The following ATP11A variants were observed in gnomAD, a reference collection of about 807,000 sequenced individuals.
ATP11A encodes phospholipid-transporting ATPase IH.
A neutral mutation model predicts 154.4 loss-of-function variants in ATP11A; 81 were observed. The ratio of observed to expected loss-of-function variants is 0.52; its 90% confidence interval spans 0.44 to 0.63. The LOEUF is 0.63. Among genes scored for constraint, ATP11A ranks in the 30% least tolerant of loss-of-function variants. The pLI, the probability that ATP11A is intolerant of heterozygous loss-of-function variation, is 0.00. For missense variants in ATP11A, 1,316 were observed against 1,474.3 expected, an observed-to-expected ratio of 0.89 and a Z score of 1.76; for synonymous variants, 623 against 585.9, an observed-to-expected ratio of 1.06 and a Z score of -0.91.
In ATP11A at chr13:112,859,950, C is replaced by A. The variant is rs777679816; in HGVS notation, c.2728-337C>A. Among the ~76,000 whole-genome samples, 2 of 152,200 alleles carry A rather than the reference C, an allele frequency of 1.3e-5. No homozygotes were observed. Among genetic ancestry groups the A allele is most frequent in the African/African-American group, 4.8e-5 (2 of 41,456 alleles). On this transcript the variant is annotated intron_variant, in intron 23 of 29. Coordinates refer to ENST00000375645, the MANE Select transcript of ATP11A (RefSeq NM_015205.3). The surrounding 1 kb of genome is among the most constrained non-coding windows in gnomAD (Gnocchi z 4.3). ...ACATGTGTGCTCAGTGGTTGGCGGG[C>A]CAGCTGCCTTCATGGGAAGTGACTG...
At chr13:112,781,359 G>T (rs1192793745) in intron 1 of ATP11A, among the ~76,000 whole-genome samples, 7 of 152,096 alleles carry the variant, frequency 4.6e-5, no homozygotes, top group Non-Finnish European at 1.5e-5. Flanking sequence ...TTTTGTCTAT[G>T]TCCCCGTTTA....
At chr13:112,734,215 T>C (rs1180084158) in intron 1 of ATP11A, among the ~76,000 whole-genome samples, 7 of 152,080 alleles carry the variant, frequency 4.6e-5, no homozygotes, top group Non-Finnish European at 8.8e-5. Flanking sequence ...AGGATGGACA[T>C]GCGAGCTCAG....
intron 17 of ATP11A, among the ~76,000 whole-genome samples, chr13:112,843,283 C>A (rs139678103): frequency 6.7e-6 from 1 of 149,992 alleles, no homozygotes. Flanking sequence ...GACGCATGGC[C>A]GGGTGGGCGC....
chr13:112,877,443 C>T (rs1367104188), intron 28 of ATP11A, among the ~76,000 whole-genome samples: 3 of 152,344 alleles, frequency 2.0e-5, no homozygotes, highest in African/African-American at 4.8e-5. Flanking sequence ...GCATGGGACA[C>T]GTGTTCATAA....
At chr13:112,812,557 C>T (rs1051731280) in intron 5 of ATP11A, among the ~76,000 whole-genome samples, 6 of 152,220 alleles carry the variant, frequency 3.9e-5, no homozygotes, top group Non-Finnish European at 7.3e-5. Flanking sequence ...CGGACAAGGC[C>T]GCAGCCCTTC....
intron 6 of ATP11A, among the ~76,000 whole-genome samples, chr13:112,816,581 C>G (rs548167696): frequency 6.6e-6 from 1 of 152,182 alleles, no homozygotes; most frequent in Admixed American, 6.5e-5. Context: ...GCGGCAAAAC[C>G]CTGAGCCCAG....
At chr13:112,860,078 T>C (rs1314561364) in intron 23 of ATP11A, among the ~76,000 whole-genome samples, 1 of 151,786 alleles carries the variant, frequency 6.6e-6, no homozygotes, top group African/African-American at 2.4e-5. Flanking sequence ...GCTGATAGAA[T>C]GGGATGAGTC....
rs1245122987 is a variant in ATP11A at position 112,787,447 on chromosome 13, G to A, written c.162+2190G>A. Among the ~76,000 whole-genome samples the A allele has an allele frequency of 9.7e-5, 12 of 123,454 alleles. No individual in the cohort carries two copies. The East Asian group carries it at 2.2e-3, about 22-fold the overall frequency. The allele number at this position is 123,454 out of a possible 152,430, so 81.0% of individuals were successfully genotyped here. A position where few individuals can be genotyped will look rare whatever the true frequency, so the allele number is the denominator to read the frequency against. ...GAGACCTACTTAATTCACACCGGGT[G>A]TCCTGATGTGTAGACCCCTGTGGAT... On this transcript the variant is annotated intron_variant, in intron 2 of 29. Transcript: ENST00000375645.
At chr13:112,773,900 T>C (rs1474892944) in intron 1 of ATP11A, among the ~76,000 whole-genome samples, 1 of 143,180 alleles carries the variant, frequency 7.0e-6, no homozygotes, top group Non-Finnish European at 1.5e-5. Context: ...CCCCACCTCG[T>C]GCCTTCCCAG....
intron 13 of ATP11A, 84 bp from the exon 14 acceptor site, chr13:112,832,776 T>G: frequency 4.0e-6 from 6 of 1,490,190 alleles, no homozygotes; most frequent in South Asian, 1.3e-5. Context: ...CCACCCCGCT[T>G]CTTGTTATCT....
chr13:112,820,414 C>T (rs1478271798), intron 8 of ATP11A, among the ~76,000 whole-genome samples: 1 of 152,242 alleles, frequency 6.6e-6, no homozygotes. Flanking sequence ...ATCTGAGGCT[C>T]ACACCTACCT....
intron 1 of ATP11A, among the ~76,000 whole-genome samples, chr13:112,730,146 C>T (rs543663278): frequency 2.0e-4 from 31 of 152,290 alleles, no homozygotes; most frequent in African/African-American, 7.2e-4. Context: ...GACCACGGAC[C>T]ACATGGGAGC....
At chr13:112,722,348 G>A (rs1411744722) in intron 1 of ATP11A, among the ~76,000 whole-genome samples, 1 of 152,036 alleles carries the variant, frequency 6.6e-6, no homozygotes, top group East Asian at 1.9e-4. Flanking sequence ...CCAGGTTATA[G>A]GTAGATTTAA....
At chr13:112,874,981 C>T (rs1409855583) in intron 27 of ATP11A, among the ~76,000 whole-genome samples, 1 of 152,200 alleles carries the variant, frequency 6.6e-6, no homozygotes, top group Non-Finnish European at 1.5e-5. Context: ...GACCCCACGT[C>T]TTTGATGTGC....
intron 1 of ATP11A, among the ~76,000 whole-genome samples, chr13:112,707,328 T>C (rs866398670): frequency 1.3e-5 from 2 of 151,642 alleles, no homozygotes; most frequent in South Asian, 4.2e-4. Flanking sequence ...GGCAGGAGAC[T>C]TGCTTGAACC....
At chr13:112,858,079 C>T (rs2079985382) in intron 21 of ATP11A, 66 bp from the exon 22 acceptor site, 4 of 1,588,036 alleles carry the variant, frequency 2.5e-6, no homozygotes, top group Non-Finnish European at 3.4e-6. Flanking sequence ...CGTTCTTCTC[C>T]CCGTCCCTGC....
chr13:112,819,329 A>T lies in ATP11A; in HGVS notation c.596A>T (p.Lys199Ile), dbSNP rs779569606. 5.6e-6 allele frequency: 9 copies of T among 1,614,210 alleles called. No homozygotes were observed. Among genetic ancestry groups the T allele is most frequent in the Middle Eastern group, 3.3e-4 (2 of 6,060 alleles). ...HKTHYAVQDTKGFHTEEDIGG... is the reference protein window; with the variant it reads ...HKTHYAVQDTIGFHTEEDIGG... ...ACGCATTACGCGGTCCAGGACACCA[A>T]AGGCTTCCACACAGAGGAGGATATC... Residue 199 changes from lysine (K) to isoleucine (I), a missense_variant, in exon 7 of 30, where the codon AAA (lysine) becomes ATA (isoleucine). Around this residue, in one of 5 missense-constraint regions of ATP11A, gnomAD observed 876 missense variants for 1,006.8 expected, o/e 0.87. Coordinates refer to ENST00000375645, the MANE Select transcript of ATP11A (RefSeq NM_015205.3).
chr13:112,849,434 G>A (rs911767066), intron 17 of ATP11A, among the ~76,000 whole-genome samples: 4 of 152,188 alleles, frequency 2.6e-5, no homozygotes, highest in South Asian at 2.1e-4. Flanking sequence ...TAAAAGCAGC[G>A]ACATATTTAT....
At chr13:112,794,617 C>T (rs543792529) in intron 2 of ATP11A, among the ~76,000 whole-genome samples, 1 of 152,160 alleles carries the variant, frequency 6.6e-6, no homozygotes, top group Non-Finnish European at 1.5e-5. Flanking sequence ...CACCTGTAAT[C>T]CCAGAACTTT....
Sources: gnomAD v4.1 joint callset for allele counts (sites outside exome capture counted in the v4.1 genomes callset) on GRCh38, gnomAD v4.1.1 for gene constraint, gnomAD v4.1.1 regional missense constraint, Gnocchi (gnomAD v3.1) non-coding constraint, MANE v1.5 for transcripts, NCBI Gene and HGNC (gene_info 2026-07-23, HGNC 2026-07-21) for gene names.